Variants in SARNP observed in about 807,000 individuals in gnomAD.
SARNP encodes the protein SAP domain containing ribonucleoprotein, also known as SAP domain-containing ribonucleoprotein.
In SARNP, 5 loss-of-function variants were observed where a neutral mutation model predicts 38.1. The ratio of observed to expected loss-of-function variants is 0.13; its 90% CI spans 0.07 to 0.28. SARNP has a LOEUF of 0.28. Among genes scored for constraint, SARNP ranks in the 10% least tolerant of loss-of-function variants. The pLI, the probability that SARNP is intolerant of heterozygous loss-of-function variation, is 1.00. For missense variants in SARNP, 180 were observed against 243.9 expected, an observed-to-expected ratio of 0.74 and a Z score of 1.75; for synonymous variants, 84 against 80.6, an observed-to-expected ratio of 1.04 and a Z score of -0.23.
intron 9 of SARNP, among the ~76,000 whole-genome samples, chr12:55,788,002 G>A (rs887737790): frequency 9.2e-5 from 14 of 152,116 alleles, no homozygotes; most frequent in African/African-American, 1.4e-4. Flanking sequence ...GCACATCTCC[G>A]CCTCCCAAAG....
intron 9 of SARNP, among the ~76,000 whole-genome samples, chr12:55,786,623 G>C (rs1879504355): frequency 6.6e-6 from 1 of 151,900 alleles, no homozygotes; most frequent in Admixed American, 6.6e-5. Context: ...CTAATTTTTT[G>C]TATTTTTAGA....
At chr12:55,799,918 G>A (rs553293200) in intron 4 of SARNP, among the ~76,000 whole-genome samples, 3 of 151,498 alleles carry the variant, frequency 2.0e-5, no homozygotes, top group Admixed American at 6.6e-5. Flanking sequence ...GGCCGGGCAC[G>A]GTGGCTCACA....
intron 7 of SARNP, among the ~76,000 whole-genome samples, chr12:55,791,514 G>A (rs1046965142): frequency 6.6e-6 from 1 of 152,054 alleles, no homozygotes; most frequent in East Asian, 1.9e-4. Context: ...GACCAATATG[G>A]TGAAATCCCA....
At chr12:55,812,427 G>T (rs2887997) in intron 1 of SARNP, among the ~76,000 whole-genome samples, 1 of 152,250 alleles carries the variant, frequency 6.6e-6, no homozygotes, top group African/African-American at 2.4e-5. Context: ...TTTTGTCTCT[G>T]TTGTTCACTG....
rs370785938 is a variant in SARNP at position 55,767,136 on chromosome 12, C to G, written c.502-6496G>C. Among the ~76,000 whole-genome samples the G allele has an allele frequency of 4.6e-5, 7 of 152,308 alleles. No homozygotes were observed. The East Asian group carries it at 1.2e-3, about 25-fold the overall frequency. On this transcript the variant is annotated intron_variant, in intron 9 of 10. Coordinates refer to ENST00000336133, the MANE Select transcript of SARNP (RefSeq NM_033082.4). ...GCACACAGGAACTATAAAAGGTATT[C>G]AATAAATGTTAGCTATTACTTTTAT...
chr12:55,774,614 G>A (rs938356805), intron 9 of SARNP, among the ~76,000 whole-genome samples: 28 of 147,806 alleles, frequency 1.9e-4, no homozygotes, highest in Non-Finnish European at 3.5e-4. Flanking sequence ...CAGGTGTGGC[G>A]GCATGCACCT....
At chr12:55,794,906 A>G (rs745684340) in intron 5 of SARNP, 26 bp from the exon 6 acceptor site, 45 of 1,365,900 alleles carry the variant, frequency 3.3e-5, no homozygotes, top group East Asian at 1.6e-4. Context: ...CAAAAGGGAG[A>G]AAAAAAAGTC....
intron 4 of SARNP, among the ~76,000 whole-genome samples, chr12:55,799,575 T>C (rs982994910): frequency 2.0e-5 from 3 of 148,038 alleles, no homozygotes; most frequent in African/African-American, 7.5e-5. Context: ...TTTTTTTTTT[T>C]CCCGAGACAG....
chr12:55,794,918 A>G, intron 5 of SARNP, 38 bp from the exon 6 acceptor site: 1 of 1,032,314 alleles, frequency 9.7e-7, no homozygotes, highest in East Asian at 2.8e-5. Context: ...AAAAAAGTCA[A>G]TTTATGGTTT....
chr12:55,769,986 T>C (rs1272675913), intron 9 of SARNP, among the ~76,000 whole-genome samples: 1 of 152,110 alleles, frequency 6.6e-6, no homozygotes, highest in Non-Finnish European at 1.5e-5. Context: ...TGTGTTTCTA[T>C]TAGAAGAGAG....
At chr12:55,784,510 T>C (rs1476014271) in intron 9 of SARNP, among the ~76,000 whole-genome samples, 1 of 152,248 alleles carries the variant, frequency 6.6e-6, no homozygotes, top group Non-Finnish European at 1.5e-5. Flanking sequence ...TTTTCTTATG[T>C]CTTACTCCTT....
chr12:55,781,141 A>G (rs1326621366), intron 9 of SARNP, among the ~76,000 whole-genome samples: 1 of 152,236 alleles, frequency 6.6e-6, no homozygotes, highest in African/African-American at 2.4e-5. Flanking sequence ...GAATGAATTG[A>G]GAAAACAGCA....
intron 1 of SARNP, among the ~76,000 whole-genome samples, chr12:55,809,510 T>G (rs529641375): frequency 7.9e-5 from 12 of 151,154 alleles, no homozygotes; most frequent in Admixed American, 6.6e-5. Flanking sequence ...ATCCTAGTAC[T>G]TTGGGAGGTC....
At chr12:55,802,802 T>A (rs1415457212) in intron 2 of SARNP, among the ~76,000 whole-genome samples, 5 of 151,272 alleles carry the variant, frequency 3.3e-5, no homozygotes, top group African/African-American at 1.2e-4. Flanking sequence ...TTGGTGGCAA[T>A]AAAATTTTCT....
At chr12:55,780,152 T>G (rs528428207) in intron 9 of SARNP, among the ~76,000 whole-genome samples, 1 of 151,748 alleles carries the variant, frequency 6.6e-6, no homozygotes, top group Non-Finnish European at 1.5e-5. Flanking sequence ...TGTCTCCAAA[T>G]AAGTAAATAA....
At chr12:55,801,043 A>C in intron 2 of SARNP, 143 bp from the exon 3 acceptor site, 1 of 682,052 alleles carries the variant, frequency 1.5e-6, no homozygotes, top group South Asian at 1.7e-5. Flanking sequence ...AATCTGCTAC[A>C]TCTGGAGAAG....
At chr12:55,788,568 G>C (rs917018049) in intron 9 of SARNP, among the ~76,000 whole-genome samples, 12 of 152,208 alleles carry the variant, frequency 7.9e-5, no homozygotes, top group Non-Finnish European at 1.3e-4. Flanking sequence ...AGGCAGAAGT[G>C]GGTGGATCCC....
intron 8 of SARNP, among the ~76,000 whole-genome samples, chr12:55,789,414 C>T (rs1014562293): frequency 6.6e-6 from 1 of 152,116 alleles, no homozygotes; most frequent in Non-Finnish European, 1.5e-5. Context: ...CCAAACACTG[C>T]CAGGGAAAGC....
intron 1 of SARNP, among the ~76,000 whole-genome samples, chr12:55,805,153 T>C (rs1880100523): frequency 6.6e-6 from 1 of 152,054 alleles, no homozygotes. Flanking sequence ...TCCCAGCTAC[T>C]CGGGAGGCTG....
Sources: allele counts gnomAD v4.1 joint callset (sites outside exome capture counted in the v4.1 genomes callset), GRCh38; gene constraint gnomAD v4.1.1; transcripts MANE v1.5; gene names NCBI Gene and HGNC (gene_info 2026-07-23, HGNC 2026-07-21).